The following MACROD2 variants were observed in gnomAD, a reference collection of about 807,000 sequenced individuals.
MACROD2 encodes ADP-ribose glycohydrolase MACROD2.
Under a neutral mutation model 70.4 loss-of-function variants are expected in MACROD2, and 36 were observed. The ratio of observed to expected loss-of-function variants is 0.51; its 90% CI spans 0.39 to 0.68. MACROD2 has a LOEUF of 0.68. Ranked by LOEUF, MACROD2 falls within the 30% of genes least tolerant of loss-of-function variation. The probability of loss-of-function intolerance (pLI) is 0.00; values close to 1 mark genes in which losing one functional copy is unlikely to be tolerated. For missense variants in MACROD2, 496 were observed against 538.4 expected (o/e 0.92, Z 0.78); for synonymous variants, 172 against 178.8 (o/e 0.96, Z 0.30).
At chr20:15,553,076 G>C (rs1222880261) in intron 8 of MACROD2, among the ~76,000 whole-genome samples, 1 of 152,208 alleles carries the variant, frequency 6.6e-6, no homozygotes, top group Non-Finnish European at 1.5e-5. Flanking sequence ...CTGAGGGGAA[G>C]TGCACAGGAA....
At chr20:15,148,874 T>C (rs1308090401) in intron 5 of MACROD2, among the ~76,000 whole-genome samples, 1 of 152,002 alleles carries the variant, frequency 6.6e-6, no homozygotes, top group African/African-American at 2.4e-5. Flanking sequence ...GTAAGGGATG[T>C]AAAGGTTTCA....
At chr20:15,257,913 G>GC (rs766704075) in intron 6 of MACROD2, among the ~76,000 whole-genome samples, 55 of 152,086 alleles carry the variant, frequency 3.6e-4, no homozygotes, top group Admixed American at 7.2e-4. Context: ...GCGTGTTATT[G>GC]CCCCTGAAGA....
chr20:14,803,688 C>T (rs113679662), intron 5 of MACROD2, among the ~76,000 whole-genome samples: 3,792 of 152,092 alleles, frequency 0.025, 106 homozygotes, highest in East Asian at 0.11. Context: ...ACTACATTGA[C>T]CAGGCTGGTC....
chr20:15,301,265 G>A (rs1294778740), intron 6 of MACROD2, among the ~76,000 whole-genome samples: 1 of 152,104 alleles, frequency 6.6e-6, no homozygotes, highest in Admixed American at 6.5e-5. Context: ...CCTTTTTGTT[G>A]ATTGGGACCA....
At chr20:15,400,766 T>C (rs1464120068) in intron 6 of MACROD2, among the ~76,000 whole-genome samples, 1 of 152,180 alleles carries the variant, frequency 6.6e-6, no homozygotes, top group African/African-American at 2.4e-5. Flanking sequence ...GCCTTTGGCA[T>C]ATTTGAGCAT....
chr20:15,066,071 G>A (rs962525526), intron 5 of MACROD2, among the ~76,000 whole-genome samples: 6 of 151,702 alleles, frequency 4.0e-5, no homozygotes, highest in African/African-American at 9.7e-5. Flanking sequence ...GTTAGAGGTC[G>A]GAAGCTCCCA....
intron 2 of MACROD2, among the ~76,000 whole-genome samples, chr20:14,071,256 T>G (rs1021396527): frequency 1.1e-5 from 1 of 88,982 alleles, no homozygotes; most frequent in Admixed American, 1.1e-4. Flanking sequence ...TCTTGTGTTT[T>G]TTTTTTTTTT....
intron 5 of MACROD2, among the ~76,000 whole-genome samples, chr20:14,716,479 A>T (rs1027235733): frequency 6.6e-6 from 1 of 152,074 alleles, no homozygotes; most frequent in Non-Finnish European, 1.5e-5. Flanking sequence ...CCAATTCTTA[A>T]TTCTTTCTGC....
At chr20:14,464,578 T>G (rs1484625246) in intron 3 of MACROD2, among the ~76,000 whole-genome samples, 1 of 152,104 alleles carries the variant, frequency 6.6e-6, no homozygotes, top group Non-Finnish European at 1.5e-5. Context: ...TTCTGCTAGC[T>G]TTTGAATGTG....
At chr20:15,870,178 C>T (rs975349375) in intron 9 of MACROD2, among the ~76,000 whole-genome samples, 11 of 151,680 alleles carry the variant, frequency 7.3e-5, no homozygotes, top group African/African-American at 2.7e-4. Context: ...TGAATTTCTG[C>T]CATTTATTTC....
chr20:14,858,207 A>C (rs1011837311), intron 5 of MACROD2, among the ~76,000 whole-genome samples: 1 of 152,108 alleles, frequency 6.6e-6, no homozygotes, highest in Non-Finnish European at 1.5e-5. Flanking sequence ...CTTATCTGCT[A>C]CTTAGAGATT....
At chr20:15,470,472 A>C (rs138746781) in intron 7 of MACROD2, among the ~76,000 whole-genome samples, 7 of 152,186 alleles carry the variant, frequency 4.6e-5, no homozygotes, top group Admixed American at 3.9e-4. Flanking sequence ...AACCTTCAAC[A>C]GGGGTTGGAG....
chr20:14,257,994 T>C (rs1317903572), intron 3 of MACROD2, among the ~76,000 whole-genome samples: 2 of 152,202 alleles, frequency 1.3e-5, no homozygotes, highest in Admixed American at 6.5e-5. Context: ...GATTTGGTTT[T>C]CCATTTTTGA....
chr20:15,277,003 A>T (rs1600185157), intron 6 of MACROD2, among the ~76,000 whole-genome samples: 4 of 152,232 alleles, frequency 2.6e-5, no homozygotes, highest in Non-Finnish European at 5.9e-5. Context: ...GGCTGCAAGT[A>T]ACATCCCAAG....
intron 5 of MACROD2, among the ~76,000 whole-genome samples, chr20:15,157,744 T>C (rs2076319556): frequency 6.6e-6 from 1 of 152,092 alleles, no homozygotes; most frequent in South Asian, 2.1e-4. Flanking sequence ...TGGCAGGAAA[T>C]CTGAGTACAG....
At chr20:15,653,374 G>A (rs533971879) in intron 8 of MACROD2, among the ~76,000 whole-genome samples, 27 of 152,310 alleles carry the variant, frequency 1.8e-4, no homozygotes, top group African/African-American at 4.8e-4. Flanking sequence ...AAAGTCAAAC[G>A]TGCCATGTCA....
chr20:15,880,558 C>A (rs548970575), intron 9 of MACROD2, among the ~76,000 whole-genome samples: 21 of 151,976 alleles, frequency 1.4e-4, no homozygotes, highest in African/African-American at 3.6e-4. Context: ...TACCACTGGA[C>A]AACTGGGGCT....
chr20:14,788,666 A>T (rs2072405535), intron 5 of MACROD2, among the ~76,000 whole-genome samples: 1 of 150,748 alleles, frequency 6.6e-6, no homozygotes, highest in Non-Finnish European at 1.5e-5. Flanking sequence ...AACCATATTA[A>T]CAGGGTTTAT....
chr20:14,502,795 T>C (rs1203104991), intron 4 of MACROD2, among the ~76,000 whole-genome samples: 1 of 152,200 alleles, frequency 6.6e-6, no homozygotes, highest in Non-Finnish European at 1.5e-5. Context: ...AAAAAGATTA[T>C]ATAGATAGCT....
Sources: allele counts gnomAD v4.1 joint callset (sites outside exome capture counted in the v4.1 genomes callset), GRCh38; gene constraint gnomAD v4.1.1; transcripts MANE v1.5; gene names NCBI Gene and HGNC (gene_info 2026-07-23, HGNC 2026-07-21).